Variants in H6PD observed in about 807,000 individuals in gnomAD.
H6PD encodes the protein GDH/6PGL endoplasmic bifunctional protein.
A neutral mutation model predicts 61.2 loss-of-function variants in H6PD; 48 were observed. The ratio of observed to expected loss-of-function variants is 0.78; its 90% CI spans 0.62 to 1.00. H6PD has a LOEUF of 1.00. Ranked by LOEUF, H6PD falls within the 50% of genes least tolerant of loss-of-function variation. The probability of loss-of-function intolerance (pLI) is 0.00; values close to 1 mark genes in which losing one functional copy is unlikely to be tolerated. For synonymous variants in H6PD, 480 were observed against 457.9 expected (o/e 1.05, Z -0.62); for missense variants, 1,093 against 1,065.0 (o/e 1.03, Z -0.37).
In H6PD at chr1:9,263,848, T is replaced by C. The variant is rs1638435164; in HGVS notation, c.1355T>C (p.Val452Ala). 6.2e-7 allele frequency: 1 copy of C among 1,614,062 alleles called. No homozygotes were observed. The change falls in exon 5 of 5, where the codon GTG becomes GCG. Residue 452 changes from valine to alanine, a missense_variant. By Grantham distance (64) the Val-to-Ala change is moderately conservative. Coordinates refer to ENST00000377403, the MANE Select transcript of H6PD (RefSeq NM_004285.4). ...PLSDYYAYSP[V>A]RERDAHSVLL... ...TCCGATTACTACGCCTACAGCCCTG[T>C]GCGGGAGCGGGACGCCCACTCCGTC...
intron 1 of H6PD, among the ~76,000 whole-genome samples, chr1:9,236,549 G>A (rs1427961475): frequency 6.6e-6 from 1 of 152,064 alleles, no homozygotes; most frequent in Non-Finnish European, 1.5e-5. Flanking sequence ...AATCCCAGCT[G>A]CTGGGGAGGC....
chr1:9,242,684 C>A (rs941078944), intron 1 of H6PD: 1 of 985,476 alleles, frequency 1.0e-6, no homozygotes, highest in Non-Finnish European at 1.2e-6. Context: ...CCCCACCTGC[C>A]CATGCCAGGA....
At chr1:9,260,324 G>A (rs996638361) in intron 3 of H6PD, among the ~76,000 whole-genome samples, 2 of 151,998 alleles carry the variant, frequency 1.3e-5, no homozygotes, top group Non-Finnish European at 1.5e-5. Flanking sequence ...TTATATTGTT[G>A]TTACACCAGT....
chr1:9,256,330 C>G (rs1641515568), intron 3 of H6PD, among the ~76,000 whole-genome samples: 3 of 152,212 alleles, frequency 2.0e-5, no homozygotes, highest in Admixed American at 2.0e-4. Context: ...CTGCTCATTT[C>G]AAGGTTTAGT....
At chr1:9,238,154 A>G (rs113181820) in intron 1 of H6PD, among the ~76,000 whole-genome samples, 2,549 of 152,224 alleles carry the variant, frequency 0.017, 66 homozygotes, top group African/African-American at 0.058. Flanking sequence ...GTGAGGGAGT[A>G]AACCACGTGG....
chr1:9,249,714 C>T (rs1331104266), intron 3 of H6PD, among the ~76,000 whole-genome samples: 2 of 152,194 alleles, frequency 1.3e-5, no homozygotes, highest in Non-Finnish European at 2.9e-5. Flanking sequence ...CAGAGTGGGG[C>T]TAGTTCAGTC....
At position 9,246,184 on chromosome 1, in the gene H6PD, TC is replaced by T. The variant is rs376110881; in HGVS notation, c.627+625del. ...GTCTCAAAATCCTGACTTCAAGTGA[TC>T]CGCTCACTTCGGCCTCCCAAAGTGC... On this transcript the variant is annotated intron_variant, in intron 2 of 4. Coordinates refer to ENST00000377403, the MANE Select transcript of H6PD (RefSeq NM_004285.4). Among the ~76,000 whole-genome samples, 1,198 of 152,322 alleles carry T rather than the reference TC, an allele frequency of 7.9e-3. 9 individuals are homozygous for T. Among genetic ancestry groups the T allele is most frequent in the Non-Finnish European group, 0.012 (838 of 68,018 alleles).
chr1:9,235,455 A>G (rs1640825857), intron 1 of H6PD, among the ~76,000 whole-genome samples: 1 of 152,168 alleles, frequency 6.6e-6, no homozygotes, highest in East Asian at 1.9e-4. Flanking sequence ...TTGAATGCTT[A>G]GCCAGAAGTG....
At position 9,263,530 on chromosome 1, in the gene H6PD, A is replaced by G. The variant is rs551302514; in HGVS notation, c.1037A>G (p.Asn346Ser). The G allele has an allele frequency of 3.3e-5, 54 of 1,614,120 alleles. No individual in the cohort carries two copies. The African/African-American group carries it at 3.9e-4, about 12-fold the overall frequency. Reference protein sequence around the residue: ...TFAAVLVHIDNLRWEGVPFIL... With the variant: ...TFAAVLVHIDSLRWEGVPFIL... ...CCAGCCGTCCTAGTGCACATTGACA[A>G]CCTTCGCTGGGAGGGCGTGCCTTTC... The change falls in exon 5 of 5, where the codon AAC becomes AGC. Residue 346 changes from asparagine (N) to serine (S), a missense_variant. Physicochemically the swap from Asn to Ser is conservative, Grantham distance 46 (BLOSUM62 1). Transcript: ENST00000377403.
rs1190955619 is a variant in H6PD, at chr1:9,268,529, CGT to C, written c.*3662_*3663del. 2.6e-5 allele frequency: 4 copies of C among 152,328 alleles called. No individual in the cohort carries two copies. Among genetic ancestry groups the C allele is most frequent in the African/African-American group, 9.6e-5 (4 of 41,566 alleles). The allele number at this position is 152,328 out of a possible 1,614,324, so 9.4% of individuals were successfully genotyped here. A position where few individuals can be genotyped will look rare whatever the true frequency, so the allele number is the denominator to read the frequency against. On this transcript the variant is annotated 3_prime_UTR_variant, in exon 5 of 5. Coordinates refer to ENST00000377403, the MANE Select transcript of H6PD (RefSeq NM_004285.4). Reference sequence around the variant, plus strand: ...TGTCAGTCAGCATCTCTAGGGCAACCGTGATTGCCATTTGTAGAGGGGAAGGA... The same window carrying C: ...TGTCAGTCAGCATCTCTAGGGCAACCGATTGCCATTTGTAGAGGGGAAGGA...
rs1272758567 is a variant in H6PD, at chr1:9,268,281, C to T, written c.*3412C>T. 1 of 152,094 alleles carries T rather than the reference C, an allele frequency of 6.6e-6. No individual in the cohort carries two copies. The highest frequency in any genetic ancestry group is 2.4e-5 in the African/African-American group (1 of 41,244). 9.4% of individuals were successfully genotyped at this position (152,094 alleles called of 1,614,324 possible). On this transcript the variant is annotated 3_prime_UTR_variant, in exon 5 of 5. Transcript: ENST00000377403. ...AAAAGGAAAGAGTGATGACAACAGC[C>T]CAGGGAGCAGCCCCGCTCAGAACCC...
intron 1 of H6PD, among the ~76,000 whole-genome samples, chr1:9,243,449 T>C (rs890534295): frequency 2.6e-5 from 4 of 152,172 alleles, no homozygotes; most frequent in Non-Finnish European, 5.9e-5. Flanking sequence ...TCGTCACTGC[T>C]CCCACCTGCA....
Position 9,264,803 on chromosome 1 carries a change from C to T in H6PD, c.2310C>T (p.Ile770=). 1 of 1,612,974 alleles carries T rather than the reference C, an allele frequency of 6.2e-7. No individual in the cohort carries two copies. Among genetic ancestry groups the T allele is most frequent in the Non-Finnish European group, 8.5e-7 (1 of 1,180,026 alleles). ...GCCATGAGCCCAAGAAGTGGCCCAT[C>T]TCGGGTGTCCTGCCGCACTCCGGCC... ...RVGHEPKKWP[I]SGVLPHSGQL... is the part of the protein sequence containing the mutation. The change falls in exon 5 of 5, where the codon ATC becomes ATT. Residue 770 remains isoleucine, a synonymous_variant. Transcript: ENST00000377403.
chr1:9,248,908 C>G (rs957361871), intron 3 of H6PD, among the ~76,000 whole-genome samples: 1 of 152,218 alleles, frequency 6.6e-6, no homozygotes, highest in Non-Finnish European at 1.5e-5. Flanking sequence ...CGTGGGTTGC[C>G]CCCCGTGCCT....
chr1:9,259,689 G>A (rs372641948), intron 3 of H6PD, among the ~76,000 whole-genome samples: 4 of 151,914 alleles, frequency 2.6e-5, no homozygotes, highest in East Asian at 1.9e-4. Flanking sequence ...TCTTAACACC[G>A]GTGTTATGTT....
At chr1:9,237,739 C>CTG (rs1640892374) in intron 1 of H6PD, among the ~76,000 whole-genome samples, 1 of 152,188 alleles carries the variant, frequency 6.6e-6, no homozygotes, top group Admixed American at 6.5e-5. Context: ...TAAGCTGCTG[C>CTG]TGTGTGCTGT....
chr1:9,249,895 T>A (rs1255049051), intron 3 of H6PD, among the ~76,000 whole-genome samples: 5 of 152,174 alleles, frequency 3.3e-5, no homozygotes, highest in African/African-American at 1.2e-4. Context: ...GGACACAGGG[T>A]GCTTTGGCAA....
At position 9,264,546 on chromosome 1, in the gene H6PD, A is replaced by G. The variant is rs780275357; in HGVS notation, c.2053A>G (p.Ser685Gly). 177 of 1,613,220 alleles carry G rather than the reference A, an allele frequency of 1.1e-4. No individual in the cohort carries two copies. Among genetic ancestry groups the G allele is most frequent in the Admixed American group, 2.0e-4 (12 of 60,016 alleles). Residue 685 changes from serine to glycine, a missense_variant, in exon 5 of 5, where the codon AGC (serine) becomes GGC (glycine). By Grantham distance (56) the Ser-to-Gly change is moderately conservative. Coordinates refer to ENST00000377403, the MANE Select transcript of H6PD (RefSeq NM_004285.4). ...GATCTCAGCCCTGGTGGCCAACAGC[A>G]GCTTCGACCTGGTGCTGCTGGGCAT... ...REISALVANS[S>G]FDLVLLGMGA...
chr1:9,251,572 T>C (rs1641363530), intron 3 of H6PD, among the ~76,000 whole-genome samples: 1 of 152,186 alleles, frequency 6.6e-6, no homozygotes, highest in African/African-American at 2.4e-5. Context: ...CTCTGAGGGC[T>C]GGAGTGACCG....
Sources: allele counts gnomAD v4.1 joint callset (sites outside exome capture counted in the v4.1 genomes callset), GRCh38; gene constraint gnomAD v4.1.1; transcripts MANE v1.5; gene names NCBI Gene and HGNC (gene_info 2026-07-23, HGNC 2026-07-21).